The following SCG5 variants were observed in gnomAD, a reference collection of about 807,000 sequenced individuals.
SCG5 encodes neuroendocrine protein 7B2.
In SCG5, 18 loss-of-function variants were observed where a neutral mutation model predicts 25.7. The observed-to-expected ratio is 0.70, with a 90% CI of 0.48 to 1.04. The LOEUF (loss-of-function observed/expected upper bound fraction) is 1.04. Ranked by LOEUF, SCG5 falls within the 50% of genes least tolerant of loss-of-function variation. The pLI, the probability that SCG5 is intolerant of heterozygous loss-of-function variation, is 0.00. For missense variants in SCG5, 206 were observed against 259.8 expected (o/e 0.79, Z 1.42); for synonymous variants, 101 against 91.7 (o/e 1.10, Z -0.58).
chr15:32,693,921 C>A (rs901750536), intron 5 of SCG5, among the ~76,000 whole-genome samples: 3 of 152,134 alleles, frequency 2.0e-5, no homozygotes, highest in African/African-American at 7.2e-5. Context: ...ACCAGCCTGG[C>A]CAACATGGTG....
At chr15:32,673,802 C>T (rs1167222357) in intron 2 of SCG5, among the ~76,000 whole-genome samples, 6 of 152,030 alleles carry the variant, frequency 3.9e-5, no homozygotes, top group Non-Finnish European at 7.4e-5. Flanking sequence ...GGCATGATCT[C>T]GGTTCACTGC....
intron 2 of SCG5, among the ~76,000 whole-genome samples, chr15:32,644,881 C>G (rs2053918502): frequency 1.3e-5 from 2 of 152,154 alleles, no homozygotes; most frequent in Admixed American, 1.3e-4. Context: ...GCTATCTGCC[C>G]TAGGGTTCTG....
chr15:32,657,120 C>T (rs1208318190), intron 2 of SCG5, among the ~76,000 whole-genome samples: 7 of 143,750 alleles, frequency 4.9e-5, no homozygotes, highest in Non-Finnish European at 1.1e-4. Flanking sequence ...TATATATAAA[C>T]GTATTTTGGA....
At chr15:32,696,446 T>G in intron 5 of SCG5, 68 bp from the exon 6 acceptor site, 18 of 1,115,556 alleles carry the variant, frequency 1.6e-5, no homozygotes, top group East Asian at 2.5e-5. Context: ...ATTTCTTTTC[T>G]GAGATGTCTG....
intron 2 of SCG5, among the ~76,000 whole-genome samples, chr15:32,672,762 C>CA (rs1238684481): frequency 6.6e-6 from 1 of 152,118 alleles, no homozygotes; most frequent in African/African-American, 2.4e-5. Flanking sequence ...AAAATAGCAC[C>CA]AACTTGCTGA....
At position 32,643,528 on chromosome 15, in the gene SCG5, G is replaced by A. The variant is rs545683183; in HGVS notation, c.-7-58G>A. On this transcript the variant is annotated intron_variant, in intron 1 of 5. Transcript: ENST00000300175. ...CTGGAGTGGTTGCATCATTATAATTGTATTATCACAATTGCCGATTGTAGC... is the reference window on the plus strand; with the variant it reads ...CTGGAGTGGTTGCATCATTATAATTATATTATCACAATTGCCGATTGTAGC... The A allele has an allele frequency of 1.1e-4, 145 of 1,337,772 alleles. No individual in the cohort carries two copies. In the African/African-American group the frequency reaches 1.9e-3, roughly 18 times the overall value. The allele number at this position is 1,337,772 out of a possible 1,614,324, so 82.9% of individuals were successfully genotyped here. A position where few individuals can be genotyped will look rare whatever the true frequency, so the allele number is the denominator to read the frequency against.
chr15:32,671,106 A>G lies in SCG5; in HGVS notation c.227-8660A>G, dbSNP rs148209767. Among the ~76,000 whole-genome samples, 455 of 152,296 alleles carry G rather than the reference A, an allele frequency of 3.0e-3. 6 individuals carry two copies. Among genetic ancestry groups the G allele is most frequent in the African/African-American group, 1.0e-2 (414 of 41,556 alleles). On this transcript the variant is annotated intron_variant, in intron 2 of 5. Transcript: ENST00000300175. ...AAAGGGGAGGAATTGGGGTCCAGTG[A>G]GATTGGGAGGTTATGAGAATCCCAC...
At chr15:32,652,265 G>A (rs2054044343) in intron 2 of SCG5, among the ~76,000 whole-genome samples, 1 of 152,026 alleles carries the variant, frequency 6.6e-6, no homozygotes. Flanking sequence ...GGGGAGTAGT[G>A]GGGGCCCACC....
intron 2 of SCG5, among the ~76,000 whole-genome samples, chr15:32,654,029 T>C (rs931924288): frequency 7.2e-5 from 11 of 152,354 alleles, no homozygotes; most frequent in African/African-American, 2.4e-4. Flanking sequence ...TCATGCACAG[T>C]GTCATGCTTA....
intron 3 of SCG5, among the ~76,000 whole-genome samples, chr15:32,681,379 C>A (rs1344959743): frequency 6.6e-6 from 1 of 152,040 alleles, no homozygotes; most frequent in African/African-American, 2.4e-5. Context: ...AGACTCAAAC[C>A]CAAGTCTACC....
chr15:32,646,655 CAAAG>C (rs2053948551), intron 2 of SCG5, among the ~76,000 whole-genome samples: 1 of 152,094 alleles, frequency 6.6e-6, no homozygotes, highest in African/African-American at 2.4e-5. Flanking sequence ...TGAAAACTAA[CAAAG>C]AAAATAGTCC....
chr15:32,681,124 C>T (rs78987122), intron 3 of SCG5, among the ~76,000 whole-genome samples: 7,701 of 152,192 alleles, frequency 0.051, 254 homozygotes, highest in Non-Finnish European at 0.07. Context: ...AAATAATGCA[C>T]CTCTTACCTT....
At chr15:32,678,386 A>G (rs1304658172) in intron 2 of SCG5, among the ~76,000 whole-genome samples, 1 of 152,240 alleles carries the variant, frequency 6.6e-6, no homozygotes, top group Non-Finnish European at 1.5e-5. Flanking sequence ...CAAGAGCATA[A>G]ACAAACAGCT....
At chr15:32,660,636 T>G (rs778501813) in intron 2 of SCG5, among the ~76,000 whole-genome samples, 7 of 152,230 alleles carry the variant, frequency 4.6e-5, no homozygotes, top group Admixed American at 6.5e-5. Context: ...TAATGAGAGA[T>G]GCACGCATGA....
chr15:32,683,328 A>G (rs893601289), intron 3 of SCG5, among the ~76,000 whole-genome samples: 2 of 152,032 alleles, frequency 1.3e-5, no homozygotes, highest in African/African-American at 4.8e-5. Context: ...CTAACCCTGC[A>G]CAAAATTCAC....
At chr15:32,694,332 CAT>C (rs747942181) in intron 5 of SCG5, among the ~76,000 whole-genome samples, 85 of 152,204 alleles carry the variant, frequency 5.6e-4, no homozygotes, top group Non-Finnish European at 1.0e-3. Context: ...AACCAAGCCC[CAT>C]ATGGCTTTGA....
rs2054000363 is a variant in SCG5 at position 32,649,546 on chromosome 15, A to G, written c.226+5728A>G. ...AAACCAGCAGAGGGCCAACTAGACT[A>G]GAAGTTTATTTTGGAAGATTCCTGA... On this transcript the variant is annotated intron_variant, in intron 2 of 5. Coordinates refer to ENST00000300175, the MANE Select transcript of SCG5 (RefSeq NM_001144757.3). 2.0e-5 allele frequency among the ~76,000 whole-genome samples: 3 copies of G among 152,208 alleles called. No individual in the cohort carries two copies. In the South Asian group the frequency reaches 6.2e-4, roughly 32 times the overall value.
chr15:32,682,390 G>A lies in SCG5; in HGVS notation c.377-2167G>A, dbSNP rs115353899. On this transcript the variant is annotated intron_variant, in intron 3 of 5. Transcript: ENST00000300175. ...TAGTATGCCACTTTCACTTTCTTGA[G>A]CCTTAATGTCTTCACCTATGGAAGG... Among the ~76,000 whole-genome samples the A allele has an allele frequency of 4.4e-3, 665 of 152,264 alleles. 5 individuals are homozygous for A. Among genetic ancestry groups the A allele is most frequent in the African/African-American group, 0.015 (634 of 41,544 alleles).
chr15:32,677,843 C>T (rs949483392), intron 2 of SCG5: 9 of 152,204 alleles, frequency 5.9e-5, no homozygotes, highest in African/African-American at 2.2e-4. Context: ...AAAGAAAGTC[C>T]AGAAATTAAC....
Sources: allele counts gnomAD v4.1 joint callset (sites outside exome capture counted in the v4.1 genomes callset), GRCh38; gene constraint gnomAD v4.1.1; transcripts MANE v1.5; gene names NCBI Gene and HGNC (gene_info 2026-07-23, HGNC 2026-07-21).